Variants in RASGRF2 observed in about 807,000 individuals in gnomAD.
RASGRF2 encodes ras-specific guanine nucleotide-releasing factor 2.
In RASGRF2, 76 loss-of-function variants were observed where a neutral mutation model predicts 151.0. The ratio of observed to expected loss-of-function variants is 0.50; its 90% CI spans 0.42 to 0.61. The LOEUF (loss-of-function observed/expected upper bound fraction) is 0.61. Ranked by LOEUF, RASGRF2 falls within the 20% of genes least tolerant of loss-of-function variation. RASGRF2 has a pLI of 0.00. For missense variants in RASGRF2, 1,148 were observed against 1,564.6 expected (o/e 0.73, Z 4.49); for synonymous variants, 504 against 566.5 (o/e 0.89, Z 1.57).
intron 2 of RASGRF2, among the ~76,000 whole-genome samples, chr5:81,062,799 A>G (rs1193176575): frequency 6.6e-6 from 1 of 152,166 alleles, no homozygotes; most frequent in Non-Finnish European, 1.5e-5. Flanking sequence ...CTTGCATTCA[A>G]TGTCATTTTA....
At chr5:80,993,227 G>A (rs565433109) in intron 1 of RASGRF2, among the ~76,000 whole-genome samples, 2 of 152,092 alleles carry the variant, frequency 1.3e-5, no homozygotes, top group Non-Finnish European at 2.9e-5. Flanking sequence ...GACAGTGTCT[G>A]GAAATGGATG....
chr5:81,158,287 G>A (rs1754307945), intron 17 of RASGRF2, among the ~76,000 whole-genome samples: 1 of 152,154 alleles, frequency 6.6e-6, no homozygotes, highest in Non-Finnish European at 1.5e-5. Context: ...AGTGGTGGTA[G>A]GGAAATTGGA....
At chr5:81,177,496 A>G (rs1222959482) in intron 17 of RASGRF2, among the ~76,000 whole-genome samples, 3 of 151,542 alleles carry the variant, frequency 2.0e-5, no homozygotes, top group African/African-American at 7.3e-5. Context: ...GTCATATATC[A>G]TGCAATACAA....
chr5:81,145,362 T>C lies in RASGRF2; in HGVS notation c.2686+18199T>C, dbSNP rs147565431. On this transcript the variant is annotated intron_variant, in intron 17 of 26. Coordinates refer to ENST00000265080, the MANE Select transcript of RASGRF2 (RefSeq NM_006909.3). ...TTGGGTTTCTGTAGTGCTGCCATTT[T>C]GTTTAGGAAGGACATGAACCTTTCT... Among the ~76,000 whole-genome samples, 7 of 152,320 alleles carry C rather than the reference T, an allele frequency of 4.6e-5. No homozygotes were observed. In the East Asian group the frequency reaches 1.4e-3, roughly 29 times the overall value.
At chr5:81,207,210 C>T (rs1253494585) in intron 20 of RASGRF2, 36 bp from the exon 21 acceptor site, 33 of 1,588,878 alleles carry the variant, frequency 2.1e-5, no homozygotes, top group Non-Finnish European at 2.7e-5. Context: ...GGCGCCCTCT[C>T]CTGGGTGTTT....
intron 1 of RASGRF2, among the ~76,000 whole-genome samples, chr5:81,005,015 T>TA (rs1463275355): frequency 6.6e-6 from 1 of 152,204 alleles, no homozygotes; most frequent in Non-Finnish European, 1.5e-5. Flanking sequence ...CATCATCTCC[T>TA]AATTTTCCAA....
rs575912175 is a variant in RASGRF2 at position 81,193,805 on chromosome 5, AC to A, written c.2794-7523del. Reference sequence around the variant, plus strand: ...AGTGCTGGGATTACTGGCATGAGCTACCGTGCCCAGCTCGATAGTTGCTTTA... The same window carrying A: ...AGTGCTGGGATTACTGGCATGAGCTACGTGCCCAGCTCGATAGTTGCTTTA... On this transcript the variant is annotated intron_variant, in intron 18 of 26. Transcript: ENST00000265080. Among the ~76,000 whole-genome samples, 438 of 152,340 alleles carry A rather than the reference AC, an allele frequency of 2.9e-3. 3 individuals are homozygous for A. Among genetic ancestry groups the A allele is most frequent in the South Asian group, 0.01 (49 of 4,830 alleles).
chr5:80,968,828 T>C (rs1246830088), intron 1 of RASGRF2, among the ~76,000 whole-genome samples: 1 of 151,994 alleles, frequency 6.6e-6, no homozygotes. Flanking sequence ...GGACTACAAA[T>C]GTGTGCCACC....
chr5:81,017,462 A>G (rs1394007350), intron 1 of RASGRF2, among the ~76,000 whole-genome samples: 1 of 152,214 alleles, frequency 6.6e-6, no homozygotes, highest in African/African-American at 2.4e-5. Flanking sequence ...TAGTGAAGCA[A>G]ATGTGCCCAT....
intron 1 of RASGRF2, among the ~76,000 whole-genome samples, chr5:81,020,741 G>A (rs1040890423): frequency 6.6e-6 from 1 of 152,196 alleles, no homozygotes; most frequent in African/African-American, 2.4e-5. Context: ...ATCTGTAGGT[G>A]CGGAATGGCC....
At chr5:81,083,927 T>C (rs1057046738) in intron 7 of RASGRF2, among the ~76,000 whole-genome samples, 1 of 152,244 alleles carries the variant, frequency 6.6e-6, no homozygotes, top group African/African-American at 2.4e-5. Flanking sequence ...ATTTAGACAG[T>C]TCCTATGATT....
At chr5:81,064,361 T>C (rs1421472006) in intron 2 of RASGRF2, among the ~76,000 whole-genome samples, 6 of 152,198 alleles carry the variant, frequency 3.9e-5, no homozygotes, top group Non-Finnish European at 8.8e-5. Context: ...GCAAGTGAGA[T>C]GGAAGCCAGA....
intron 2 of RASGRF2, among the ~76,000 whole-genome samples, chr5:81,060,241 C>CCATA (rs1040787683): frequency 5.3e-5 from 8 of 152,008 alleles, no homozygotes; most frequent in African/African-American, 1.7e-4. Context: ...CAGATCTAAA[C>CCATA]CATACCATTC....
At chr5:80,986,957 C>T (rs188447519) in intron 1 of RASGRF2, among the ~76,000 whole-genome samples, 2 of 152,256 alleles carry the variant, frequency 1.3e-5, no homozygotes, top group East Asian at 1.9e-4. Context: ...TCACACTGCC[C>T]CCATATCTGG....
intron 9 of RASGRF2, chr5:81,087,611 G>A: frequency 5.5e-6 from 3 of 544,884 alleles, no homozygotes; most frequent in Non-Finnish European, 9.8e-6. Context: ...CAGCCTGACA[G>A]TGCCTATTTC....
chr5:81,080,092 A>G (rs1326940351), intron 5 of RASGRF2, 29 bp from the exon 6 acceptor site: 3 of 1,589,188 alleles, frequency 1.9e-6, no homozygotes, highest in Non-Finnish European at 2.6e-6. Flanking sequence ...TATAGCAACT[A>G]AATTATATTA....
rs1197000091 is a variant in RASGRF2 at position 81,068,077 on chromosome 5, C to T, written c.441C>T (p.Tyr147=). 9.9e-6 allele frequency: 16 copies of T among 1,612,128 alleles called. No individual in the cohort carries two copies. Among genetic ancestry groups the T allele is most frequent in the Non-Finnish European group, 1.4e-5 (16 of 1,179,126 alleles). Residue 147 remains tyrosine (Y), a synonymous_variant, in exon 3 of 27, where the codon TAC becomes TAT. Coordinates refer to ENST00000265080, the MANE Select transcript of RASGRF2 (RefSeq NM_006909.3). ...AGAGGGAAGTATTAATGCAGAAGTA[C>T]ATTCATCTAGTTCAGATCGTAGAGA... is the stretch of plus-strand genomic sequence containing the variant. ...LIEREVLMQK[Y]IHLVQIVETE...
rs1156329095 is a variant in RASGRF2, at chr5:81,092,916, T to C, written c.1506T>C (p.Phe502=). Residue 502 remains phenylalanine, a synonymous_variant, in exon 10 of 27, where the codon TTT becomes TTC. Transcript: ENST00000265080. The stretch of plus-strand genomic sequence containing the variant: ...AATGCTTCTTATTTACAAAACACTT[T>C]TTAATATGTACAAGAAGTTCAGGAG... ...ERQCFLFTKH[F]LICTRSSGGK... 1.2e-6 allele frequency: 2 copies of C among 1,613,152 alleles called. No individual in the cohort carries two copies. The highest frequency in any genetic ancestry group is 1.3e-5 in the African/African-American group (1 of 74,920).
At chr5:81,107,322 A>C (rs1752873394) in intron 12 of RASGRF2, among the ~76,000 whole-genome samples, 1 of 152,094 alleles carries the variant, frequency 6.6e-6, no homozygotes, top group African/African-American at 2.4e-5. Flanking sequence ...TGATTGTGTC[A>C]CTGCATTCCA....
Sources: gnomAD v4.1 joint callset for allele counts (sites outside exome capture counted in the v4.1 genomes callset) on GRCh38, gnomAD v4.1.1 for gene constraint, MANE v1.5 for transcripts, NCBI Gene and HGNC (gene_info 2026-07-23, HGNC 2026-07-21) for gene names.